OPCML: variants seen among roughly 807,000 people sequenced by gnomAD.
OPCML encodes the protein opioid-binding protein/cell adhesion molecule.
A neutral mutation model predicts 37.8 loss-of-function variants in OPCML; 13 were observed. That is an observed-to-expected ratio of 0.34 (90% CI 0.22 to 0.55). OPCML has a LOEUF of 0.55. Among genes scored for constraint, OPCML ranks in the 20% least tolerant of loss-of-function variants. The pLI is 0.91. For missense variants in OPCML, 341 were observed against 435.6 expected (o/e 0.78, Z 1.93); for synonymous variants, 176 against 168.8 (o/e 1.04, Z -0.33).
At chr11:133,464,568 A>T (rs1170992279) in intron 1 of OPCML, among the ~76,000 whole-genome samples, 1 of 152,136 alleles carries the variant, frequency 6.6e-6, no homozygotes, top group African/African-American at 2.4e-5. Context: ...TTGGAAATGG[A>T]GGAGGAACAC....
chr11:132,731,755 A>G (rs1323438218), intron 2 of OPCML, among the ~76,000 whole-genome samples: 2 of 152,222 alleles, frequency 1.3e-5, no homozygotes, highest in Non-Finnish European at 2.9e-5. Flanking sequence ...AGCAGCTAAC[A>G]GGGTTGGGGA....
In OPCML at chr11:132,459,508, AAT is replaced by A. The variant is rs138266391; in HGVS notation, c.506-22151_506-22150del. 1.5e-3 allele frequency among the ~76,000 whole-genome samples: 220 copies of A among 145,220 alleles called. 1 individual carries two copies. The highest frequency in any genetic ancestry group is 3.7e-3 in the African/African-American group (146 of 39,804). On this transcript the variant is annotated intron_variant, in intron 4 of 7. Coordinates refer to ENST00000524381, the MANE Select transcript of OPCML (RefSeq NM_001012393.5). ...TAGGATAATATATATCTATATAGAG[AAT>A]ATATATATATATATACACACATATA...
intron 1 of OPCML, among the ~76,000 whole-genome samples, chr11:133,438,969 A>C (rs943368144): frequency 2.0e-5 from 3 of 152,130 alleles, no homozygotes; most frequent in African/African-American, 7.2e-5. Context: ...ACCACACCCC[A>C]TGCCTTGCCC....
chr11:133,247,638 C>T (rs1291587919), intron 1 of OPCML, among the ~76,000 whole-genome samples: 8 of 139,852 alleles, frequency 5.7e-5, no homozygotes, highest in African/African-American at 2.2e-4. Context: ...GAGTCTCACT[C>T]TATTGCCCAG....
chr11:133,078,809 T>C (rs946681204), intron 1 of OPCML, among the ~76,000 whole-genome samples: 20 of 152,162 alleles, frequency 1.3e-4, no homozygotes, highest in African/African-American at 4.6e-4. Context: ...ACTCCAAACT[T>C]AAGACGTAAA....
chr11:133,354,356 G>T (rs1252091192), intron 1 of OPCML, among the ~76,000 whole-genome samples: 1 of 136,242 alleles, frequency 7.3e-6, no homozygotes, highest in Non-Finnish European at 1.6e-5. Flanking sequence ...TGATGGTGAT[G>T]ATGATTAAAG....
At chr11:132,500,252 T>C (rs906305010) in intron 4 of OPCML, among the ~76,000 whole-genome samples, 2 of 152,220 alleles carry the variant, frequency 1.3e-5, no homozygotes, top group Non-Finnish European at 2.9e-5. Context: ...TTATCAATCA[T>C]GCCTCATTGT....
intron 1 of OPCML, among the ~76,000 whole-genome samples, chr11:133,521,146 G>A (rs192820787): frequency 2.0e-5 from 3 of 152,308 alleles, no homozygotes; most frequent in African/African-American, 7.2e-5. Context: ...ACAGCACTTC[G>A]GAAGGGGTGT....
At chr11:132,633,073 G>A (rs1195812711) in intron 3 of OPCML, among the ~76,000 whole-genome samples, 2 of 152,094 alleles carry the variant, frequency 1.3e-5, no homozygotes, top group Admixed American at 6.5e-5. Flanking sequence ...GCATGAGGAA[G>A]TGCAGTCTGT....
chr11:133,040,525 T>C (rs140296465), intron 1 of OPCML, among the ~76,000 whole-genome samples: 62 of 152,348 alleles, frequency 4.1e-4, no homozygotes, highest in African/African-American at 1.4e-3. Flanking sequence ...TTTTAATTCC[T>C]GCATGCATGT....
intron 3 of OPCML, among the ~76,000 whole-genome samples, chr11:132,633,457 C>T (rs566823439): frequency 3.6e-4 from 54 of 152,084 alleles, no homozygotes; most frequent in African/African-American, 1.2e-3. Flanking sequence ...AATTAAAAGC[C>T]GGGAATGTGG....
At chr11:133,444,548 A>C (rs958739402) in intron 1 of OPCML, among the ~76,000 whole-genome samples, 1 of 152,210 alleles carries the variant, frequency 6.6e-6, no homozygotes, top group Non-Finnish European at 1.5e-5. Context: ...CAGAACAAAA[A>C]AATAATTTCT....
intron 1 of OPCML, among the ~76,000 whole-genome samples, chr11:133,030,584 ATAT>A (rs1464146759): frequency 1.3e-5 from 2 of 152,348 alleles, no homozygotes; most frequent in East Asian, 3.9e-4. Flanking sequence ...GAAGTGCAAG[ATAT>A]TATTAATATT....
intron 1 of OPCML, among the ~76,000 whole-genome samples, chr11:133,047,694 C>G (rs1225849155): frequency 6.6e-6 from 1 of 152,200 alleles, no homozygotes; most frequent in Non-Finnish European, 1.5e-5. Context: ...CCACTTCCAT[C>G]CCCAGCCCAC....
intron 3 of OPCML, among the ~76,000 whole-genome samples, chr11:132,577,795 C>A (rs2096454124): frequency 6.6e-6 from 1 of 152,034 alleles, no homozygotes; most frequent in African/African-American, 2.4e-5. Context: ...TACAATCAAC[C>A]CATGATTTAG....
At chr11:133,512,687 T>C (rs78700027) in intron 1 of OPCML, among the ~76,000 whole-genome samples, 2 of 152,152 alleles carry the variant, frequency 1.3e-5, no homozygotes, top group Admixed American at 6.5e-5. Flanking sequence ...AGTTGCCTCA[T>C]TGGGACAAAA....
At chr11:132,951,261 C>T (rs1591840988) in intron 1 of OPCML, among the ~76,000 whole-genome samples, 2 of 152,170 alleles carry the variant, frequency 1.3e-5, no homozygotes, top group East Asian at 3.9e-4. Flanking sequence ...GACTAGGTGG[C>T]CTCACAGGAA....
intron 1 of OPCML, among the ~76,000 whole-genome samples, chr11:133,410,868 G>A (rs189656888): frequency 2.8e-4 from 42 of 152,226 alleles, no homozygotes; most frequent in African/African-American, 9.9e-4. Context: ...CCTGTGAAAA[G>A]GTAACTGAGA....
At chr11:133,057,701 C>T (rs7122639) in intron 1 of OPCML, among the ~76,000 whole-genome samples, 135,382 of 152,168 alleles carry the variant, frequency 0.89, 60,553 homozygotes, top group African/African-American at 0.97. Context: ...CCATCACATG[C>T]GTCCTGTGAA....
Sources: gnomAD v4.1 joint callset for allele counts (sites outside exome capture counted in the v4.1 genomes callset) on GRCh38, gnomAD v4.1.1 for gene constraint, MANE v1.5 for transcripts, NCBI Gene and HGNC (gene_info 2026-07-23, HGNC 2026-07-21) for gene names.